The following NR5A2 variants were observed in gnomAD, a reference collection of about 807,000 sequenced individuals.
NR5A2 encodes the protein CYP7A promoter-binding factor.
A neutral mutation model predicts 62.7 loss-of-function variants in NR5A2; 26 were observed. The observed-to-expected ratio is 0.41, with a 90% CI of 0.30 to 0.58. NR5A2 has a LOEUF of 0.58. NR5A2 is among the 20% of genes least tolerant of loss of function. NR5A2 has a pLI of 0.22. For synonymous variants in NR5A2, 246 were observed against 241.7 expected, an observed-to-expected ratio of 1.02 and a Z score of -0.16; for missense variants, 541 against 669.1, an observed-to-expected ratio of 0.81 and a Z score of 2.11.
intron 7 of NR5A2, among the ~76,000 whole-genome samples, chr1:200,128,486 T>G (rs1426986493): frequency 6.6e-6 from 1 of 152,236 alleles, no homozygotes; most frequent in Admixed American, 6.5e-5. Flanking sequence ...GACCATTCAC[T>G]AGACATTAGG....
intron 5 of NR5A2, among the ~76,000 whole-genome samples, chr1:200,100,732 C>T (rs1665327261): frequency 6.6e-6 from 1 of 152,104 alleles, no homozygotes; most frequent in African/African-American, 2.4e-5. Context: ...TTGTTAGAGC[C>T]CTGTTTACAT....
intron 5 of NR5A2, among the ~76,000 whole-genome samples, chr1:200,092,550 A>G (rs562506372): frequency 6.6e-6 from 1 of 152,236 alleles, no homozygotes; most frequent in South Asian, 2.1e-4. Flanking sequence ...TGGTTAGCTC[A>G]CGTGTGAATG....
intron 1 of NR5A2, among the ~76,000 whole-genome samples, chr1:200,030,232 G>T (rs1661502283): frequency 1.3e-5 from 2 of 152,048 alleles, no homozygotes; most frequent in African/African-American, 2.4e-5. Flanking sequence ...ATCAGTCAGG[G>T]TTTACAATTC....
intron 6 of NR5A2, among the ~76,000 whole-genome samples, chr1:200,111,981 C>T (rs1030247508): frequency 5.3e-5 from 8 of 151,246 alleles, no homozygotes; most frequent in African/African-American, 9.7e-5. Context: ...CCTGCCCCTG[C>T]GGAACTTAAT....
At chr1:200,086,845 C>A (rs1005746039) in intron 5 of NR5A2, among the ~76,000 whole-genome samples, 8 of 152,082 alleles carry the variant, frequency 5.3e-5, no homozygotes, top group Admixed American at 2.0e-4. Context: ...TCAAGACTAG[C>A]CTGACCTACA....
chr1:200,079,264 A>G (rs12061714), intron 5 of NR5A2, among the ~76,000 whole-genome samples: 4,026 of 152,240 alleles, frequency 0.026, 184 homozygotes, highest in African/African-American at 0.092. Flanking sequence ...TTTCTCTGTT[A>G]TGTCACTGAG....
At chr1:200,111,069 A>C in intron 5 of NR5A2, 133 bp from the exon 6 acceptor site, 1 of 979,028 alleles carries the variant, frequency 1.0e-6, no homozygotes, top group East Asian at 2.7e-5. Context: ...CCTGTGCTTC[A>C]GTGACCATGG....
intron 7 of NR5A2, among the ~76,000 whole-genome samples, chr1:200,137,083 C>T (rs1270753524): frequency 6.6e-6 from 1 of 152,060 alleles, no homozygotes; most frequent in African/African-American, 2.4e-5. Flanking sequence ...AGTCCGCCAG[C>T]CTCAGCCACC....
At chr1:200,041,168 G>C (rs1368898623) in intron 2 of NR5A2, among the ~76,000 whole-genome samples, 1 of 152,182 alleles carries the variant, frequency 6.6e-6, no homozygotes, top group Non-Finnish European at 1.5e-5. Flanking sequence ...CACGATTCTT[G>C]GCTCCAAAAG....
chr1:200,075,800 G>A (rs1011471059), intron 5 of NR5A2, among the ~76,000 whole-genome samples: 2 of 152,114 alleles, frequency 1.3e-5, no homozygotes, highest in Non-Finnish European at 1.5e-5. Context: ...GAGTCTTTAC[G>A]AGCCTTATAT....
At chr1:200,062,227 T>G (rs201331983) in intron 5 of NR5A2, among the ~76,000 whole-genome samples, 1 of 145,666 alleles carries the variant, frequency 6.9e-6, no homozygotes, top group African/African-American at 2.5e-5. Context: ...CTGGCAGATT[T>G]TGTGTGTGTG....
At chr1:200,114,332 GAA>G (rs903494249) in intron 6 of NR5A2, among the ~76,000 whole-genome samples, 1 of 150,406 alleles carries the variant, frequency 6.6e-6, no homozygotes, top group Non-Finnish European at 1.5e-5. Flanking sequence ...GAAGGAGGCA[GAA>G]AAAAAAGAAA....
intron 6 of NR5A2, 99 bp from the exon 7 acceptor site, chr1:200,120,709 C>T (rs1405976124): frequency 2.0e-5 from 25 of 1,244,832 alleles, no homozygotes; most frequent in East Asian, 8.0e-5. Context: ...ATTTTAAAAA[C>T]CTGTATTGCA....
intron 5 of NR5A2, among the ~76,000 whole-genome samples, chr1:200,087,550 A>ATGCT (rs1664610932): frequency 6.6e-6 from 1 of 151,246 alleles, no homozygotes; most frequent in African/African-American, 2.4e-5. Flanking sequence ...ACGCACCACC[A>ATGCT]CACCTGGCTA....
rs987585847 is a variant in NR5A2 at position 200,176,209 on chromosome 1, G to A, written c.*1999G>A. The A allele has an allele frequency of 6.6e-6, 1 of 152,570 alleles. No homozygotes were observed. Among genetic ancestry groups the A allele is most frequent in the Non-Finnish European group, 1.5e-5 (1 of 68,016 alleles). The allele number at this position is 152,570 out of a possible 1,614,324, so 9.5% of individuals were successfully genotyped here. A position where few individuals can be genotyped will look rare whatever the true frequency, so the allele number is the denominator to read the frequency against. On this transcript the variant is annotated 3_prime_UTR_variant, in exon 8 of 8. Coordinates refer to ENST00000367362, the MANE Select transcript of NR5A2 (RefSeq NM_205860.3). ...CTGGTTTTCAAGTAAACTCAACAAG[G>A]TGGAGTCTTACCTGGTTTTCCTTTC...
chr1:200,173,743 T>A (rs543233656), intron 7 of NR5A2, among the ~76,000 whole-genome samples: 1 of 152,306 alleles, frequency 6.6e-6, no homozygotes, highest in Non-Finnish European at 1.5e-5. Flanking sequence ...CTAATTGATT[T>A]GAGGTATATG....
chr1:200,068,244 G>C (rs76058456), intron 5 of NR5A2, among the ~76,000 whole-genome samples: 7,570 of 152,268 alleles, frequency 0.05, 224 homozygotes, highest in Non-Finnish European at 0.078. Flanking sequence ...CTGGGGCAGA[G>C]CAGTGTCAGG....
intron 6 of NR5A2, among the ~76,000 whole-genome samples, chr1:200,113,575 T>C (rs73082650): frequency 0.022 from 3,293 of 152,328 alleles, 110 homozygotes; most frequent in African/African-American, 0.069. Flanking sequence ...ATACATGTAC[T>C]TCTTTTATAT....
intron 7 of NR5A2, among the ~76,000 whole-genome samples, chr1:200,126,593 A>C (rs1666710842): frequency 6.6e-6 from 1 of 152,232 alleles, no homozygotes; most frequent in African/African-American, 2.4e-5. Context: ...AGAGACTAGA[A>C]AACAGATTCT....
Sources: gnomAD v4.1 joint callset for allele counts (sites outside exome capture counted in the v4.1 genomes callset) on GRCh38, gnomAD v4.1.1 for gene constraint, MANE v1.5 for transcripts, NCBI Gene and HGNC (gene_info 2026-07-23, HGNC 2026-07-21) for gene names.